RBBP5: variants seen among roughly 807,000 people sequenced by gnomAD.
The protein encoded by RBBP5 is retinoblastoma-binding protein 5.
RBBP5 carries 5 observed loss-of-function variants against 72.2 expected under a neutral mutation model. The observed-to-expected ratio is 0.07, with a 90% CI of 0.04 to 0.15. The LOEUF is 0.15. Ranked by LOEUF, RBBP5 falls within the 10% of genes least tolerant of loss-of-function variation. The pLI, the probability that RBBP5 is intolerant of heterozygous loss-of-function variation, is 1.00. For synonymous variants in RBBP5, 209 were observed against 237.2 expected, an observed-to-expected ratio of 0.88 and a Z score of 1.09; for missense variants, 322 against 652.2, an observed-to-expected ratio of 0.49 and a Z score of 5.51.
chr1:205,091,525 AG>A (rs1655349127), intron 13 of RBBP5: 1 of 152,234 alleles, frequency 6.6e-6, no homozygotes, highest in Non-Finnish European at 1.5e-5. Context: ...AATTTTCTAT[AG>A]CCCCAGATTC....
chr1:205,107,395 A>C (rs1373234392), intron 3 of RBBP5, among the ~76,000 whole-genome samples: 1 of 152,198 alleles, frequency 6.6e-6, no homozygotes, highest in African/African-American at 2.4e-5. Context: ...CCTTATCTAT[A>C]GGGGAACAAC....
chr1:205,098,092 C>T (rs1460158739), intron 10 of RBBP5, among the ~76,000 whole-genome samples: 2 of 152,136 alleles, frequency 1.3e-5, no homozygotes, highest in Admixed American at 1.3e-4. Context: ...AAATCACAGT[C>T]ATAATCATAA....
intron 3 of RBBP5, among the ~76,000 whole-genome samples, chr1:205,107,056 A>ATGTG (rs572047026): frequency 1.3e-5 from 2 of 149,950 alleles, no homozygotes; most frequent in South Asian, 4.2e-4. Flanking sequence ...GTGTATATGT[A>ATGTG]TGTGTGTGTG....
chr1:205,108,108 T>G (rs1314312913), intron 3 of RBBP5, among the ~76,000 whole-genome samples: 1 of 151,698 alleles, frequency 6.6e-6, no homozygotes, highest in Non-Finnish European at 1.5e-5. Flanking sequence ...CTGGGTGTGG[T>G]AGTGCACGCC....
chr1:205,096,712 T>C lies in RBBP5; in HGVS notation c.1366A>G (p.Asn456Asp), dbSNP rs766087432. The part of the protein sequence containing the change: ...QPPKKKPKTT[N>D]IELQGVPNDE... ...TTTGGTACTCCTTGAAGTTCTATAT[T>C]GGTTGTTTTGGGTTTCTTCTTAGGT... The change falls in exon 12 of 14, where the codon AAT becomes GAT. Residue 456 changes from asparagine to aspartate, a missense_variant. By Grantham distance (23) the Asn-to-Asp change is conservative. This residue lies in a region of RBBP5 where 109 missense variants were observed against 146.3 expected (regional missense o/e 0.75). Coordinates refer to ENST00000264515, the MANE Select transcript of RBBP5 (RefSeq NM_005057.4). 1.2e-6 allele frequency: 2 copies of C among 1,614,160 alleles called. No homozygotes were observed. Among genetic ancestry groups the C allele is most frequent in the South Asian group, 2.2e-5 (2 of 91,084 alleles).
rs529041855 is a variant in RBBP5, at chr1:205,090,105, C to T, written c.1589-1290G>A. On this transcript the variant is annotated intron_variant, in intron 13 of 13. Coordinates refer to ENST00000264515, the MANE Select transcript of RBBP5 (RefSeq NM_005057.4). ...CTGTCCTCGAGTGATCCACCCGCCT[C>T]GGACTCCCAAAGTGCTGGGATTACA... is the stretch of plus-strand genomic sequence containing the variant. 3.9e-5 allele frequency among the ~76,000 whole-genome samples: 6 copies of T among 152,308 alleles called. No individual in the cohort carries two copies. The East Asian group carries it at 1.2e-3, about 29-fold the overall frequency.
chr1:205,107,198 A>C (rs1656105546), intron 3 of RBBP5, among the ~76,000 whole-genome samples: 1 of 152,176 alleles, frequency 6.6e-6, no homozygotes, highest in Non-Finnish European at 1.5e-5. Context: ...GAGAATACAG[A>C]CTGGGATGTT....
At chr1:205,117,672 A>G (rs372353993) in intron 1 of RBBP5, among the ~76,000 whole-genome samples, 4 of 151,898 alleles carry the variant, frequency 2.6e-5, no homozygotes, top group East Asian at 3.9e-4. Flanking sequence ...AAAAAAGAAT[A>G]ATAAAAATAA....
At chr1:205,104,398 C>G (rs1655967615) in intron 4 of RBBP5, among the ~76,000 whole-genome samples, 2 of 151,890 alleles carry the variant, frequency 1.3e-5, no homozygotes. Flanking sequence ...GTGCCTGCAC[C>G]TGTAATCCCA....
intron 3 of RBBP5, among the ~76,000 whole-genome samples, chr1:205,108,443 T>C (rs1656170790): frequency 6.6e-6 from 1 of 152,122 alleles, no homozygotes; most frequent in East Asian, 1.9e-4. Flanking sequence ...CCAATACAAC[T>C]TATCACCAGT....
At chr1:205,097,261 A>G (rs2102273881) in intron 11 of RBBP5, 65 bp downstream of exon 11, 1 of 1,428,214 alleles carries the variant, frequency 7.0e-7, no homozygotes, top group Non-Finnish European at 9.7e-7. Flanking sequence ...GGGAAACTGC[A>G]GAGTACTCCC....
Position 205,094,927 on chromosome 1 carries a change from G to A in RBBP5, c.1534C>T (p.Leu512=), listed in dbSNP as rs753201883. The part of the protein sequence containing the change: ...KLYKGDRGLP[L]EGSAKGKVQA... Reference sequence around the variant, plus strand: ...ACTTTACCCTTCGCTGATCCTTCCAGAGGTAAACCTCTGTCCCCTTTGTAG... The same window carrying A: ...ACTTTACCCTTCGCTGATCCTTCCAAAGGTAAACCTCTGTCCCCTTTGTAG... Residue 512 remains leucine (L), a synonymous_variant, in exon 13 of 14, where the codon CTG becomes TTG. Transcript: ENST00000264515. 6.8e-6 allele frequency: 11 copies of A among 1,614,076 alleles called. No individual in the cohort carries two copies. Among genetic ancestry groups the A allele is most frequent in the Non-Finnish European group, 9.3e-6 (11 of 1,180,040 alleles).
At chr1:205,097,909 G>A (rs1389311327) in intron 10 of RBBP5, among the ~76,000 whole-genome samples, 3 of 152,080 alleles carry the variant, frequency 2.0e-5, no homozygotes, top group Non-Finnish European at 4.4e-5. Flanking sequence ...CAAGTATCTC[G>A]GGGGTCAATA....
chr1:205,096,977 C>T, intron 11 of RBBP5, 66 bp from the exon 12 acceptor site: 2 of 1,376,894 alleles, frequency 1.5e-6, no homozygotes, highest in Admixed American at 2.3e-5. Flanking sequence ...ACCATGAGCC[C>T]TTCCTCTATC....
In RBBP5 at chr1:205,121,908, GCAA is replaced by G. The variant is rs748972565; in HGVS notation, c.-38_-36del. The G allele has an allele frequency of 2.0e-5, 32 of 1,608,258 alleles. No homozygotes were observed. Among genetic ancestry groups the G allele is most frequent in the Non-Finnish European group, 2.5e-5 (29 of 1,179,886 alleles). Reference sequence around the variant, plus strand: ...CTGTGGCCGCCCGGTCTCAGCTCCGGCAACAACACCTTCTCCCCGGCCGGCTTC... The same window carrying G: ...CTGTGGCCGCCCGGTCTCAGCTCCGGCAACACCTTCTCCCCGGCCGGCTTC... On this transcript the variant is annotated 5_prime_UTR_variant, in exon 1 of 14. Coordinates refer to ENST00000264515, the MANE Select transcript of RBBP5 (RefSeq NM_005057.4).
At chr1:205,101,559 C>T in intron 6 of RBBP5, 41 bp downstream of exon 6, 2 of 1,385,070 alleles carry the variant, frequency 1.4e-6, no homozygotes, top group Non-Finnish European at 2.0e-6. Flanking sequence ...GCATTCTATT[C>T]ACTCTTAAAA....
chr1:205,115,097 TTC>T, intron 2 of RBBP5, 136 bp from the exon 3 acceptor site: 1 of 829,172 alleles, frequency 1.2e-6, no homozygotes, highest in East Asian at 2.8e-5. Flanking sequence ...TCTCTGTGTC[TTC>T]TTATATCTAT....
chr1:205,099,969 A>G lies in RBBP5; in HGVS notation c.848T>C (p.Ile283Thr). The G allele has an allele frequency of 6.2e-7, 1 of 1,614,188 alleles. No homozygotes were observed. The highest frequency in any genetic ancestry group is 8.5e-7 in the Non-Finnish European group (1 of 1,180,026). Residue 283 changes from isoleucine to threonine, a missense_variant, in exon 8 of 14, where the codon ATT becomes ACT. By Grantham distance (89) the Ile-to-Thr change is moderately conservative. Around this residue, in one of 6 missense-constraint regions of RBBP5, gnomAD observed 161 missense variants for 327.8 expected, o/e 0.49. Coordinates refer to ENST00000264515, the MANE Select transcript of RBBP5 (RefSeq NM_005057.4). This position sits in a 1 kb window ranked among gnomAD's most constrained non-coding sequence, Gnocchi z 4.7. ...ATGGAGAATCTTCACCAGGTTGCCA[A>G]TGCTCTTCTCCCAGATGTACAGGGC... is the stretch of plus-strand genomic sequence containing the variant. The part of the protein sequence containing the change: ...QHALYIWEKS[I>T]GNLVKILHGT...
chr1:205,121,509 C>G (rs1481029153), intron 1 of RBBP5, among the ~76,000 whole-genome samples: 2 of 152,216 alleles, frequency 1.3e-5, no homozygotes, highest in East Asian at 3.8e-4. Flanking sequence ...GACAAGTCTT[C>G]AAAGCTTCAT....
Sources: allele counts gnomAD v4.1 joint callset (sites outside exome capture counted in the v4.1 genomes callset), GRCh38; gene constraint gnomAD v4.1.1; regional missense constraint gnomAD v4.1.1; non-coding constraint Gnocchi (gnomAD v3.1); transcripts MANE v1.5; gene names NCBI Gene and HGNC (gene_info 2026-07-23, HGNC 2026-07-21).